The following MYH7B variants were observed in gnomAD, a reference collection of about 807,000 sequenced individuals.
The protein encoded by MYH7B is myosin heavy chain 7B.
In MYH7B, 205 loss-of-function variants were observed where a neutral mutation model predicts 234.5. That is an observed-to-expected ratio of 0.87 (90% CI 0.78 to 0.98). The LOEUF is 0.98. Ranked by LOEUF, MYH7B falls within the 50% of genes least tolerant of loss-of-function variation. The pLI is 0.00. For missense variants in MYH7B, 2,652 were observed against 2,633.4 expected (o/e 1.01, Z -0.15); for synonymous variants, 1,193 against 1,105.0 (o/e 1.08, Z -1.58).
intron 2 of MYH7B, among the ~76,000 whole-genome samples, chr20:34,968,045 A>AC: frequency 6.6e-6 from 1 of 152,328 alleles, no homozygotes; most frequent in South Asian, 2.1e-4. Flanking sequence ...AAATTAATTG[A>AC]CATCTTCCCA....
At chr20:34,990,283 G>A (rs370742589) in exon 22 of MYH7B, 29 of 1,614,038 alleles carry the variant, frequency 1.8e-5, no homozygotes, top group Middle Eastern at 1.6e-4. Context: ...AGGCAGCATC[G>A]TTCCAGACGG....
At chr20:34,997,810 A>G (rs975972571) in intron 32 of MYH7B, among the ~76,000 whole-genome samples, 170 bp downstream of exon 32, 1 of 152,056 alleles carries the variant, frequency 6.6e-6, no homozygotes, top group African/African-American at 2.4e-5. Context: ...CCTGACCTTA[A>G]GCCGTGACTC....
intron 35 of MYH7B, 49 bp from the exon 36 acceptor site, chr20:34,999,007 T>A: frequency 6.3e-7 from 1 of 1,582,606 alleles, no homozygotes; most frequent in Non-Finnish European, 8.6e-7. Context: ...CTGCTGGGGC[T>A]GTTCTCCCTC....
chr20:34,964,886 C>T (rs1188267144), intron 2 of MYH7B, among the ~76,000 whole-genome samples: 1 of 152,126 alleles, frequency 6.6e-6, no homozygotes, highest in East Asian at 1.9e-4. Flanking sequence ...GTGACATGAA[C>T]TTTCCTTGTT....
In MYH7B at chr20:34,987,233, A is replaced by G. The variant is rs200379759; in HGVS notation, c.1093A>G (p.Met365Val). Residue 365 changes from methionine (M) to valine (V), a missense_variant, in exon 16 of 45, where the codon ATG (methionine) becomes GTG (valine). Met to Val is a conservative substitution (Grantham distance 21). Coordinates refer to ENST00000262873, the Ensembl canonical transcript of MYH7B. ...GGGCGCCCTCCTGCACTTTGGCAAC[A>G]TGAAGTTCAAGCAGAAGCAGCGGGA... 4.6e-4 allele frequency: 743 copies of G among 1,612,074 alleles called. No homozygotes were observed. The highest frequency in any genetic ancestry group is 5.9e-4 in the Non-Finnish European group (700 of 1,180,008).
At position 34,991,051 on chromosome 20, in the gene MYH7B, G is replaced by A. The variant is rs749996917; in HGVS notation, c.2113G>A (p.Val705Ile). The A allele has an allele frequency of 5.0e-6, 8 of 1,613,954 alleles. No homozygotes were observed. In the South Asian group the frequency reaches 7.7e-5, roughly 16 times the overall value. The change falls in exon 24 of 45, where the codon GTC becomes ATC. Residue 705 changes from valine to isoleucine, a missense_variant. This residue lies in a region of MYH7B where 2,279 missense variants were observed against 2,211.4 expected (regional missense o/e 1.03). Transcript: ENST00000262873. ...GCTACACCAGCTGCGCTGCAATGGG[G>A]TCCTGGAGGGGATCCGGATCTGCCG...
exon 26 of MYH7B, chr20:34,993,453 G>A (rs375545920): frequency 8.9e-5 from 143 of 1,603,890 alleles, no homozygotes; most frequent in South Asian, 8.9e-4. Flanking sequence ...TTGAGTACCA[G>A]CGCCTGCTGG....
chr20:35,001,049 T>TGAA, exon 41 of MYH7B: 1 of 1,613,778 alleles, frequency 6.2e-7, no homozygotes, highest in Non-Finnish European at 8.5e-7. Context: ...CTGGAACGGA[T>TGAA]GAAGAAGACG....
At chr20:35,000,158 G>A in intron 38 of MYH7B, 135 bp from the exon 39 acceptor site, 2 of 1,168,696 alleles carry the variant, frequency 1.7e-6, no homozygotes, top group East Asian at 2.4e-5. Flanking sequence ...GCCACAGGCA[G>A]TCACAAGAGA....
At chr20:34,989,090 G>T (rs563662543) in intron 19 of MYH7B, among the ~76,000 whole-genome samples, 1 of 152,284 alleles carries the variant, frequency 6.6e-6, no homozygotes, top group East Asian at 1.9e-4. Flanking sequence ...GATTACAGGC[G>T]TGGGCCACTG....
At chr20:34,998,343 G>A in exon 33 of MYH7B, 1 of 1,613,992 alleles carries the variant, frequency 6.2e-7, no homozygotes, top group Middle Eastern at 1.6e-4. Context: ...GCTAAGCGAG[G>A]CCAAGATCAA....
At chr20:34,960,460 C>T (rs1439139041) in intron 2 of MYH7B, among the ~76,000 whole-genome samples, 1 of 152,218 alleles carries the variant, frequency 6.6e-6, no homozygotes, top group Non-Finnish European at 1.5e-5. Context: ...TGGTCTCGAT[C>T]TCCTGACCTT....
intron 2 of MYH7B, among the ~76,000 whole-genome samples, chr20:34,966,614 C>T (rs1477209790): frequency 2.0e-5 from 3 of 151,896 alleles, no homozygotes; most frequent in South Asian, 2.1e-4. Context: ...TGCAGATGTG[C>T]GTGCACACAC....
chr20:34,975,952 G>A (rs1287126536), intron 3 of MYH7B, among the ~76,000 whole-genome samples: 1 of 152,146 alleles, frequency 6.6e-6, no homozygotes, highest in Non-Finnish European at 1.5e-5. Flanking sequence ...TCCTGACCTC[G>A]TGATCCGCCC....
intron 11 of MYH7B, 30 bp from the exon 12 acceptor site, chr20:34,984,824 T>C: frequency 6.2e-7 from 1 of 1,604,644 alleles, no homozygotes; most frequent in African/African-American, 1.3e-5. Context: ...GCACCAGAAC[T>C]GACAGACCCC....
intron 2 of MYH7B, among the ~76,000 whole-genome samples, chr20:34,960,393 G>A (rs2081683677): frequency 6.6e-6 from 1 of 152,034 alleles, no homozygotes; most frequent in Non-Finnish European, 1.5e-5. Context: ...CTGCCACCAC[G>A]CCCGCCTAAT....
exon 26 of MYH7B, chr20:34,993,454 C>A: frequency 6.2e-7 from 1 of 1,603,396 alleles, no homozygotes; most frequent in African/African-American, 1.3e-5. Flanking sequence ...TGAGTACCAG[C>A]GCCTGCTGGG....
chr20:34,965,537 A>G (rs949476898), intron 2 of MYH7B, among the ~76,000 whole-genome samples: 2 of 152,238 alleles, frequency 1.3e-5, no homozygotes, highest in Non-Finnish European at 2.9e-5. Context: ...GGGACCCAGA[A>G]TGGGATCTGT....
chr20:34,989,249 G>A (rs2082093987), intron 19 of MYH7B, among the ~76,000 whole-genome samples: 1 of 152,204 alleles, frequency 6.6e-6, no homozygotes, highest in Admixed American at 6.5e-5. Flanking sequence ...GTCCCCTACA[G>A]CTGGGCGTTT....
Sources: gnomAD v4.1 joint callset for allele counts (sites outside exome capture counted in the v4.1 genomes callset) on GRCh38, gnomAD v4.1.1 for gene constraint, gnomAD v4.1.1 regional missense constraint, MANE v1.5 for transcripts, NCBI Gene and HGNC (gene_info 2026-07-23, HGNC 2026-07-21) for gene names.